The following TCEA3 variants were observed in gnomAD, a reference collection of about 807,000 sequenced individuals.
TCEA3 encodes transcription elongation factor A3, also known as transcription elongation factor A protein 3.
In TCEA3, 36 loss-of-function variants were observed where a neutral mutation model predicts 44.0. That is an observed-to-expected ratio of 0.82 (90% CI 0.63 to 1.08). TCEA3 has a LOEUF of 1.08. TCEA3 is among the 50% of genes least tolerant of loss of function. The pLI is 0.00. For synonymous variants in TCEA3, 162 were observed against 159.7 expected (o/e 1.01, Z -0.11); for missense variants, 392 against 441.2 (o/e 0.89, Z 1.00).
At chr1:23,392,301 G>A (rs1231857411) in intron 8 of TCEA3, among the ~76,000 whole-genome samples, 10 of 132,898 alleles carry the variant, frequency 7.5e-5, no homozygotes, top group African/African-American at 2.8e-4. Context: ...CCACACATAT[G>A]CTAATCACAC....
At chr1:23,386,683 G>A (rs1268604304) in intron 9 of TCEA3, among the ~76,000 whole-genome samples, 1 of 151,704 alleles carries the variant, frequency 6.6e-6, no homozygotes, top group African/African-American at 2.4e-5. Flanking sequence ...TCAGCCTCCA[G>A]GGTAGCTGGG....
chr1:23,396,873 T>G (rs1639230123), intron 7 of TCEA3, among the ~76,000 whole-genome samples: 1 of 151,782 alleles, frequency 6.6e-6, no homozygotes, highest in Non-Finnish European at 1.5e-5. Context: ...GGTGTGATGG[T>G]GCATGCCTGT....
chr1:23,405,337 C>T (rs1639512566), intron 5 of TCEA3, among the ~76,000 whole-genome samples: 1 of 152,156 alleles, frequency 6.6e-6, no homozygotes, highest in South Asian at 2.1e-4. Flanking sequence ...TGGCTCACAC[C>T]TGTAATACCA....
intron 2 of TCEA3, among the ~76,000 whole-genome samples, chr1:23,418,654 C>T (rs1465512781): frequency 6.6e-6 from 1 of 152,152 alleles, no homozygotes; most frequent in Non-Finnish European, 1.5e-5. Flanking sequence ...GAGACAGCAG[C>T]TCCGGCTATG....
In TCEA3 at chr1:23,408,648, C is replaced by T. The variant is rs1362903929; in HGVS notation, c.443+16G>A. Reference sequence around the variant, plus strand: ...GAATAGGACACTGGGATGGAGAAAGCTGTGGTTTCCTTTACCTTTCCACCG... The same window carrying T: ...GAATAGGACACTGGGATGGAGAAAGTTGTGGTTTCCTTTACCTTTCCACCG... On this transcript the variant is annotated intron_variant, in intron 5 of 10. Transcript: ENST00000450454. The T allele has an allele frequency of 1.2e-6, 2 of 1,608,034 alleles. No individual in the cohort carries two copies. Among genetic ancestry groups the T allele is most frequent in the African/African-American group, 1.3e-5 (1 of 74,870 alleles).
intron 5 of TCEA3, chr1:23,404,110 T>C (rs1253660692): frequency 1.4e-6 from 1 of 702,338 alleles, no homozygotes; most frequent in Non-Finnish European, 2.6e-6. Flanking sequence ...GGCCCGCTGC[T>C]TCTGTGCGCC....
Position 23,417,920 on chromosome 1 carries a change from GTT to G in TCEA3, c.220_221del (p.Asn74LeufsTer30), listed in dbSNP as rs1179469215. 1 of 1,614,056 alleles carries G rather than the reference GTT, an allele frequency of 6.2e-7. No homozygotes were observed. Among genetic ancestry groups the G allele is most frequent in the Non-Finnish European group, 8.5e-7 (1 of 1,179,896 alleles). On this transcript the variant is annotated frameshift_variant, in exon 3 of 11. Transcript: ENST00000450454. LOFTEE classifies it high-confidence loss of function. ...CTCTCTCACCTAGCAGCCGCTTCCAGTTTTTGATAAGGACTTTGGCCAAGGAC... is the reference window on the plus strand; with the variant it reads ...CTCTCTCACCTAGCAGCCGCTTCCAGTTTGATAAGGACTTTGGCCAAGGAC... ...VVSLAKVLIK[N>X]WKRLLDSPGP...
rs1410485811 is a variant in TCEA3, at chr1:23,397,820, C to A, written c.579G>T (p.Glu193Asp). 2 of 1,613,992 alleles carry A rather than the reference C, an allele frequency of 1.2e-6. No homozygotes were observed. Among genetic ancestry groups the A allele is most frequent in the Admixed American group, 1.7e-5 (1 of 60,014 alleles). Residue 193 changes from glutamate (E) to aspartate (D), a missense_variant, in exon 6 of 11, where the codon GAG (glutamate) becomes GAT (aspartate). Glu to Asp is a conservative substitution (Grantham distance 45). Transcript: ENST00000450454. ...CCGCCTTCAGGGCTGCTGACAGCAT[C>A]TCCACACACTTGTCCCGGACAGAGT... ...TGDSVRDKCV[E>D]MLSAALKADD...
intron 7 of TCEA3, among the ~76,000 whole-genome samples, chr1:23,396,573 C>T (rs1421815237): frequency 6.6e-6 from 1 of 152,152 alleles, no homozygotes; most frequent in Non-Finnish European, 1.5e-5. Flanking sequence ...CCCGCTTTGA[C>T]AGTTCTGAGC....
intron 5 of TCEA3, chr1:23,408,438 T>A: frequency 2.1e-6 from 1 of 477,326 alleles, no homozygotes; most frequent in South Asian, 3.4e-5. Flanking sequence ...AATGAATACA[T>A]GATGAATTGA....
At chr1:23,415,954 G>A (rs1376649381) in intron 4 of TCEA3, among the ~76,000 whole-genome samples, 1 of 151,670 alleles carries the variant, frequency 6.6e-6, no homozygotes, top group Non-Finnish European at 1.5e-5. Flanking sequence ...TTGTCTTTGG[G>A]TGGTGGGAAT....
intron 10 of TCEA3, chr1:23,383,413 T>A (rs1638730290): frequency 1.1e-6 from 1 of 940,278 alleles, no homozygotes; most frequent in South Asian, 4.9e-5. Flanking sequence ...AAGAATAACA[T>A]TATAAAGGAA....
At chr1:23,417,461 G>A (rs1033051814) in intron 3 of TCEA3, 71 bp from the exon 4 acceptor site, 15 of 1,546,410 alleles carry the variant, frequency 9.7e-6, no homozygotes, top group East Asian at 2.3e-5. Context: ...GACTTAGTGG[G>A]GAGAGAGCAA....
chr1:23,398,816 G>C (rs1180327243), intron 5 of TCEA3, among the ~76,000 whole-genome samples: 1 of 151,850 alleles, frequency 6.6e-6, no homozygotes, highest in Non-Finnish European at 1.5e-5. Context: ...CACCCAGGCT[G>C]GAGTGCAGTG....
At chr1:23,421,868 C>A (rs781378125) in intron 1 of TCEA3, among the ~76,000 whole-genome samples, 1 of 152,208 alleles carries the variant, frequency 6.6e-6, no homozygotes, top group Non-Finnish European at 1.5e-5. Context: ...CTGTGTTAAG[C>A]CAGTTCCAGC....
intron 10 of TCEA3, among the ~76,000 whole-genome samples, chr1:23,382,174 G>A (rs1439861490): frequency 6.6e-6 from 1 of 151,856 alleles, no homozygotes; most frequent in African/African-American, 2.4e-5. Context: ...AGCCTCCCGA[G>A]TAGCTGGGAT....
intron 5 of TCEA3, among the ~76,000 whole-genome samples, chr1:23,399,463 C>G (rs1205817335): frequency 6.6e-6 from 1 of 151,918 alleles, no homozygotes; most frequent in Non-Finnish European, 1.5e-5. Context: ...TTAATGAAGG[C>G]CCTATCCCCA....
At chr1:23,423,529 C>G (rs1224679243) in intron 1 of TCEA3, among the ~76,000 whole-genome samples, 1 of 152,202 alleles carries the variant, frequency 6.6e-6, no homozygotes, top group African/African-American at 2.4e-5. Flanking sequence ...CTTCCTGGCT[C>G]TAAAACTTCC....
At chr1:23,383,235 A>G (rs973027415) in intron 10 of TCEA3, among the ~76,000 whole-genome samples, 8 of 149,818 alleles carry the variant, frequency 5.3e-5, no homozygotes, top group African/African-American at 2.0e-4. Flanking sequence ...AGCAGAGATC[A>G]CACCACTGCA....
Sources: allele counts gnomAD v4.1 joint callset (sites outside exome capture counted in the v4.1 genomes callset), GRCh38; gene constraint gnomAD v4.1.1; transcripts MANE v1.5; gene names NCBI Gene and HGNC (gene_info 2026-07-23, HGNC 2026-07-21).